The following PCOLCE2 variants were observed in gnomAD, a reference collection of about 807,000 sequenced individuals.
The protein encoded by PCOLCE2 is procollagen C-endopeptidase enhancer 2.
In PCOLCE2, 42 loss-of-function variants were observed where a neutral mutation model predicts 47.0. That is an observed-to-expected ratio of 0.89 (90% confidence interval 0.70 to 1.16). The LOEUF is 1.16. Ranked by LOEUF, PCOLCE2 falls within the 50% of genes most tolerant of loss-of-function variation. The pLI is 0.00. For missense variants in PCOLCE2, 500 were observed against 526.1 expected (o/e 0.95, Z 0.49); for synonymous variants, 169 against 191.7 (o/e 0.88, Z 0.98).
chr3:142,879,825 G>C (rs1395507818), intron 2 of PCOLCE2, among the ~76,000 whole-genome samples: 6 of 152,070 alleles, frequency 3.9e-5, no homozygotes, highest in East Asian at 1.9e-4. Flanking sequence ...AAAAAATTAG[G>C]CAGGCGTGGT....
chr3:142,887,054 T>C (rs975453746), intron 2 of PCOLCE2, among the ~76,000 whole-genome samples: 2 of 152,218 alleles, frequency 1.3e-5, no homozygotes, highest in African/African-American at 2.4e-5. Flanking sequence ...TTAAAAAATA[T>C]ATGGCTGTCT....
chr3:142,857,375 T>A (rs1458471562), intron 2 of PCOLCE2, among the ~76,000 whole-genome samples: 1 of 152,204 alleles, frequency 6.6e-6, no homozygotes, highest in Non-Finnish European at 1.5e-5. Context: ...TATCACTGGT[T>A]GTCTTTCACA....
chr3:142,827,032 T>G, intron 6 of PCOLCE2: 1 of 841,858 alleles, frequency 1.2e-6, no homozygotes, highest in Non-Finnish European at 1.9e-6. Context: ...GTTTCAACTA[T>G]CTATATATTG....
At chr3:142,821,253 A>C (rs1436989200) in intron 7 of PCOLCE2, among the ~76,000 whole-genome samples, 1 of 152,200 alleles carries the variant, frequency 6.6e-6, no homozygotes, top group Admixed American at 6.5e-5. Context: ...TTGGGGATTG[A>C]TAACTAGAAG....
intron 3 of PCOLCE2, among the ~76,000 whole-genome samples, chr3:142,844,038 C>G (rs1420440564): frequency 6.6e-6 from 1 of 152,040 alleles, no homozygotes; most frequent in Non-Finnish European, 1.5e-5. Context: ...ATATTGCCAC[C>G]CAATCCCCAC....
chr3:142,822,363 T>C (rs1327728666), intron 7 of PCOLCE2, among the ~76,000 whole-genome samples: 1 of 152,096 alleles, frequency 6.6e-6, no homozygotes, highest in Non-Finnish European at 1.5e-5. Flanking sequence ...CAGTGACTGA[T>C]GATAGTTTTG....
At chr3:142,887,605 G>T (rs1933739286) in intron 2 of PCOLCE2, 64 bp downstream of exon 2, 2 of 806,032 alleles carry the variant, frequency 2.5e-6, no homozygotes, top group Non-Finnish European at 4.3e-6. Context: ...GAGGAAAAAG[G>T]CAGCAGCCTC....
intron 2 of PCOLCE2, among the ~76,000 whole-genome samples, chr3:142,870,088 G>A (rs1386928171): frequency 2.0e-5 from 3 of 152,140 alleles, no homozygotes; most frequent in Non-Finnish European, 4.4e-5. Flanking sequence ...CAATCTGTTA[G>A]GTAATTATCA....
chr3:142,882,417 T>A (rs4683700), intron 2 of PCOLCE2, among the ~76,000 whole-genome samples: 69,513 of 151,958 alleles, frequency 0.46, 17,902 homozygotes, highest in Non-Finnish European at 0.57. Context: ...ATTTTTGCTC[T>A]ATGTTTGCTG....
At chr3:142,883,510 C>G (rs1427503563) in intron 2 of PCOLCE2, among the ~76,000 whole-genome samples, 2 of 151,750 alleles carry the variant, frequency 1.3e-5, no homozygotes, top group Non-Finnish European at 2.9e-5. Flanking sequence ...ACCTCTGCCT[C>G]CCAGGCTCAA....
At chr3:142,833,108 A>C (rs1937168618) in intron 5 of PCOLCE2, among the ~76,000 whole-genome samples, 1 of 152,348 alleles carries the variant, frequency 6.6e-6, no homozygotes, top group East Asian at 1.9e-4. Context: ...ACACATATGC[A>C]TCACTATGCG....
intron 2 of PCOLCE2, among the ~76,000 whole-genome samples, chr3:142,882,547 CATGGA>C (rs1448965979): frequency 6.6e-6 from 1 of 152,112 alleles, no homozygotes; most frequent in Non-Finnish European, 1.5e-5. Flanking sequence ...GGACCACATA[CATGGA>C]TTGCCTCATT....
intron 2 of PCOLCE2, among the ~76,000 whole-genome samples, chr3:142,877,919 CA>C (rs1217184401): frequency 1.3e-5 from 2 of 152,156 alleles, no homozygotes; most frequent in East Asian, 3.8e-4. Context: ...AGGTACTTTA[CA>C]GTTTTAATGA....
chr3:142,852,222 A>C (rs185717683), intron 2 of PCOLCE2, among the ~76,000 whole-genome samples: 5 of 152,032 alleles, frequency 3.3e-5, no homozygotes, highest in Admixed American at 3.3e-4. Context: ...ATGACACAAC[A>C]TCCGTTCTTC....
chr3:142,844,236 T>A (rs1288347841), intron 3 of PCOLCE2, among the ~76,000 whole-genome samples: 2 of 152,166 alleles, frequency 1.3e-5, no homozygotes, highest in Non-Finnish European at 2.9e-5. Flanking sequence ...TCCTGCCAGT[T>A]CTCTACACTA....
At chr3:142,870,838 T>G (rs964809959) in intron 2 of PCOLCE2, among the ~76,000 whole-genome samples, 1 of 152,128 alleles carries the variant, frequency 6.6e-6, no homozygotes, top group Admixed American at 6.5e-5. Flanking sequence ...AACTGCATGC[T>G]TTAAAGACAT....
At position 142,819,724 on chromosome 3, in the gene PCOLCE2, C is replaced by T. The variant is rs137926253; in HGVS notation, c.1117+1154G>A. On this transcript the variant is annotated intron_variant, in intron 8 of 8. Coordinates refer to ENST00000295992, the MANE Select transcript of PCOLCE2 (RefSeq NM_013363.4). ...GCAGCAGTGTGATCATGACTCACTG[C>T]AGACTCGACCTCTTAGGTTCAAGGC... 1.3e-3 allele frequency among the ~76,000 whole-genome samples: 201 copies of T among 152,266 alleles called. 2 individuals carry two copies. Among genetic ancestry groups the T allele is most frequent in the African/African-American group, 4.7e-3 (196 of 41,542 alleles).
chr3:142,836,969 G>T (rs1292255539), intron 5 of PCOLCE2, among the ~76,000 whole-genome samples: 1 of 152,176 alleles, frequency 6.6e-6, no homozygotes, highest in African/African-American at 2.4e-5. Flanking sequence ...ATAAGGCAAA[G>T]GGGCTTTGCA....
chr3:142,878,365 C>T (rs530723854), intron 2 of PCOLCE2, among the ~76,000 whole-genome samples: 186 of 152,234 alleles, frequency 1.2e-3, no homozygotes, highest in African/African-American at 3.8e-3. Context: ...CTGAGAAAAA[C>T]ACTTATTTTC....
Sources: allele counts gnomAD v4.1 joint callset (sites outside exome capture counted in the v4.1 genomes callset), GRCh38; gene constraint gnomAD v4.1.1; transcripts MANE v1.5; gene names NCBI Gene and HGNC (gene_info 2026-07-23, HGNC 2026-07-21).